The following PRKCA variants were observed in gnomAD, a reference collection of about 807,000 sequenced individuals.
The protein encoded by PRKCA is protein kinase C alpha, also known as protein kinase C alpha type.
PRKCA carries 27 observed loss-of-function variants against 87.0 expected under a neutral mutation model. The observed-to-expected ratio is 0.31, with a 90% confidence interval of 0.23 to 0.43. PRKCA has a LOEUF of 0.43. PRKCA is among the 20% of genes least tolerant of loss of function. The probability of loss-of-function intolerance (pLI) is 1.00; values close to 1 mark genes in which losing one functional copy is unlikely to be tolerated. For synonymous variants in PRKCA, 329 were observed against 311.1 expected (o/e 1.06, Z -0.61); for missense variants, 518 against 852.3 (o/e 0.61, Z 4.88).
chr17:66,614,795 A>G (rs187684777), intron 3 of PRKCA, among the ~76,000 whole-genome samples: 3 of 152,208 alleles, frequency 2.0e-5, no homozygotes, highest in African/African-American at 7.2e-5. Context: ...CTTACTGCCA[A>G]AAAGGGTTTA....
chr17:66,651,509 G>A (rs1971590424), intron 5 of PRKCA, among the ~76,000 whole-genome samples: 1 of 152,148 alleles, frequency 6.6e-6, no homozygotes, highest in African/African-American at 2.4e-5. Flanking sequence ...TAAAAGCTTT[G>A]CACAGGTACC....
intron 2 of PRKCA, among the ~76,000 whole-genome samples, chr17:66,393,693 G>A (rs1387363185): frequency 6.6e-6 from 1 of 151,912 alleles, no homozygotes; most frequent in Non-Finnish European, 1.5e-5. Context: ...AGCTTCTGGG[G>A]ACCACCCCAG....
intron 16 of PRKCA, among the ~76,000 whole-genome samples, chr17:66,790,487 A>G (rs186253139): frequency 2.1e-3 from 316 of 152,254 alleles, no homozygotes; most frequent in Non-Finnish European, 3.9e-3. Flanking sequence ...AGAGTGATTA[A>G]TGGTGCTGCA....
At chr17:66,534,912 A>G (rs1967717653) in intron 3 of PRKCA, among the ~76,000 whole-genome samples, 1 of 152,140 alleles carries the variant, frequency 6.6e-6, no homozygotes, top group Admixed American at 6.5e-5. Flanking sequence ...TGATTGGAAT[A>G]TATTTCCATT....
intron 2 of PRKCA, among the ~76,000 whole-genome samples, chr17:66,312,991 G>A (rs985640360): frequency 2.0e-5 from 3 of 151,762 alleles, no homozygotes; most frequent in Non-Finnish European, 2.9e-5. Flanking sequence ...TGCCTGCCTC[G>A]GCATCCCAAA....
At chr17:66,368,396 T>A (rs1179773232) in intron 2 of PRKCA, among the ~76,000 whole-genome samples, 147 of 113,006 alleles carry the variant, frequency 1.3e-3, no homozygotes, top group African/African-American at 4.8e-3. Flanking sequence ...ATTTTTTTTT[T>A]TTTTTTTTTT....
chr17:66,645,548 G>C, intron 5 of PRKCA, 37 bp downstream of exon 5: 6 of 1,613,016 alleles, frequency 3.7e-6, no homozygotes, highest in Non-Finnish European at 5.1e-6. Flanking sequence ...ATCGTGGGCA[G>C]GCATTTGGAT....
At chr17:66,632,352 AGAG>A (rs1420238872) in intron 3 of PRKCA, among the ~76,000 whole-genome samples, 1 of 152,066 alleles carries the variant, frequency 6.6e-6, no homozygotes, top group African/African-American at 2.4e-5. Context: ...CTTACTGTTC[AGAG>A]GAGGGGGCTT....
intron 2 of PRKCA, among the ~76,000 whole-genome samples, chr17:66,446,769 G>A (rs1198316747): frequency 6.6e-6 from 1 of 152,170 alleles, no homozygotes; most frequent in African/African-American, 2.4e-5. Context: ...TGTACCCCTG[G>A]GCTGCAGTGG....
chr17:66,450,031 T>TA (rs368950911), intron 2 of PRKCA, among the ~76,000 whole-genome samples: 1 of 151,974 alleles, frequency 6.6e-6, no homozygotes, highest in African/African-American at 2.4e-5. Flanking sequence ...GTTTTTTTTT[T>TA]AAGCATTGTT....
At chr17:66,661,890 TAAAC>T (rs1176374471) in intron 5 of PRKCA, among the ~76,000 whole-genome samples, 1 of 152,216 alleles carries the variant, frequency 6.6e-6, no homozygotes. Flanking sequence ...CCATTGGCCT[TAAAC>T]AACCTTCCCC....
chr17:66,641,250 G>T (rs576142812), intron 3 of PRKCA, 105 bp from the exon 4 acceptor site: 9 of 717,198 alleles, frequency 1.3e-5, no homozygotes, highest in Admixed American at 2.2e-5. Flanking sequence ...TGGTGTTATC[G>T]AACCTTGACT....
intron 3 of PRKCA, among the ~76,000 whole-genome samples, chr17:66,632,546 A>AT (rs907815960): frequency 2.3e-4 from 34 of 147,472 alleles, no homozygotes; most frequent in East Asian, 5.9e-4. Context: ...CCCCCAGCTA[A>AT]TTTTTTTTTT....
At chr17:66,361,892 A>G (rs1908411540) in intron 2 of PRKCA, among the ~76,000 whole-genome samples, 1 of 152,166 alleles carries the variant, frequency 6.6e-6, no homozygotes, top group Admixed American at 6.5e-5. Flanking sequence ...GCCCCATGGA[A>G]TCTGGTTTAC....
chr17:66,717,221 G>A (rs1030718228), intron 8 of PRKCA, among the ~76,000 whole-genome samples: 4 of 152,160 alleles, frequency 2.6e-5, no homozygotes, highest in Admixed American at 6.5e-5. Flanking sequence ...AGACCCCAGC[G>A]GCTGCCTGTC....
chr17:66,574,032 C>T (rs1969155775), intron 3 of PRKCA, among the ~76,000 whole-genome samples: 1 of 152,008 alleles, frequency 6.6e-6, no homozygotes, highest in Admixed American at 6.5e-5. Context: ...AAACAAGATC[C>T]TGCTTATTAA....
chr17:66,808,138 C>G lies in PRKCA; in HGVS notation c.*4101C>G, dbSNP rs376404611. ...GGCAGAGCCAGACCATCCAGTGTAC[C>G]CCAGAGGCCAGTAGGTTCCTGCCCA... On this transcript the variant is annotated 3_prime_UTR_variant, in exon 17 of 17. Transcript: ENST00000413366. 6.6e-6 allele frequency: 1 copy of G among 152,072 alleles called. No homozygotes were observed. The highest frequency in any genetic ancestry group is 1.5e-5 in the Non-Finnish European group (1 of 68,044). The allele number at this position is 152,072 out of a possible 1,614,324, so 9.4% of individuals were successfully genotyped here. A position where few individuals can be genotyped will look rare whatever the true frequency, so the allele number is the denominator to read the frequency against.
intron 3 of PRKCA, among the ~76,000 whole-genome samples, chr17:66,567,113 T>A (rs1458080236): frequency 1.3e-5 from 2 of 152,108 alleles, no homozygotes; most frequent in Non-Finnish European, 2.9e-5. Flanking sequence ...TCTGCTACCG[T>A]AAGGAAAATC....
chr17:66,507,391 C>T (rs1463566912), intron 3 of PRKCA, among the ~76,000 whole-genome samples: 3 of 152,160 alleles, frequency 2.0e-5, no homozygotes, highest in Non-Finnish European at 4.4e-5. Flanking sequence ...TCCACAGTAC[C>T]ACGTGACTGA....
Sources: allele counts gnomAD v4.1 joint callset (sites outside exome capture counted in the v4.1 genomes callset), GRCh38; gene constraint gnomAD v4.1.1; transcripts MANE v1.5; gene names NCBI Gene and HGNC (gene_info 2026-07-23, HGNC 2026-07-21).